SNX7: variants seen among roughly 807,000 people sequenced by gnomAD.
SNX7 encodes the protein sorting nexin-7.
SNX7 carries 35 observed loss-of-function variants against 48.4 expected under a neutral mutation model. That is an observed-to-expected ratio of 0.72 (90% CI 0.55 to 0.96). SNX7 has a LOEUF of 0.96. SNX7 is among the 40% of genes least tolerant of loss of function. The pLI, the probability that SNX7 is intolerant of heterozygous loss-of-function variation, is 0.00. For missense variants in SNX7, 553 were observed against 548.9 expected (o/e 1.01, Z -0.07); for synonymous variants, 190 against 190.2 (o/e 1.00, Z 0.01).
chr1:98,678,066 G>T (rs952632922), intron 1 of SNX7, among the ~76,000 whole-genome samples: 5 of 151,030 alleles, frequency 3.3e-5, no homozygotes, highest in African/African-American at 1.2e-4. Flanking sequence ...CCTGAGGCTG[G>T]GTCATTTATA....
rs1655036188 is a variant in SNX7, at chr1:98,760,045, A to G, written c.1279-9A>G. 6.4e-7 allele frequency: 1 copy of G among 1,569,486 alleles called. No individual in the cohort carries two copies. Among genetic ancestry groups the G allele is most frequent in the South Asian group, 1.1e-5 (1 of 90,178 alleles). ...GTTGATTGCCTCATGGTGTGTTTCC[A>G]TTATTCAGTGCCTTGCTACGTGGGA... On this transcript the variant is annotated splice_polypyrimidine_tract_variant and intron_variant, in intron 8 of 8. Coordinates refer to ENST00000306121, the MANE Select transcript of SNX7 (RefSeq NM_015976.5).
At chr1:98,759,817 T>A (rs1033013304) in intron 8 of SNX7, among the ~76,000 whole-genome samples, 2 of 152,046 alleles carry the variant, frequency 1.3e-5, no homozygotes, top group African/African-American at 4.8e-5. Flanking sequence ...AGTAGATTAT[T>A]TCAGCAAACT....
At chr1:98,723,371 G>A (rs1397864433) in intron 7 of SNX7, among the ~76,000 whole-genome samples, 4 of 151,972 alleles carry the variant, frequency 2.6e-5, no homozygotes, top group Admixed American at 1.3e-4. Context: ...CAAAAAGGCT[G>A]TGTATACTTT....
intron 7 of SNX7, among the ~76,000 whole-genome samples, chr1:98,729,754 T>C (rs1397556464): frequency 6.6e-6 from 1 of 152,042 alleles, no homozygotes; most frequent in Non-Finnish European, 1.5e-5. Context: ...AGTTCTGAAA[T>C]TGAGGGAGTA....
At chr1:98,678,179 C>T (rs748748112) in intron 1 of SNX7, among the ~76,000 whole-genome samples, 3 of 152,054 alleles carry the variant, frequency 2.0e-5, no homozygotes, top group African/African-American at 7.3e-5. Context: ...ACGATTGTAG[C>T]GAAAGGTGAA....
chr1:98,726,296 T>G (rs1385476598), intron 7 of SNX7, among the ~76,000 whole-genome samples: 1 of 152,214 alleles, frequency 6.6e-6, no homozygotes, highest in East Asian at 1.9e-4. Context: ...CACCAAATTG[T>G]TAATACCCTA....
At chr1:98,759,234 C>A (rs538943335) in intron 8 of SNX7, among the ~76,000 whole-genome samples, 9 of 151,814 alleles carry the variant, frequency 5.9e-5, no homozygotes, top group Non-Finnish European at 8.8e-5. Context: ...AACATAATTT[C>A]TTTCCAAATT....
chr1:98,740,424 C>T (rs1185288708), intron 8 of SNX7, among the ~76,000 whole-genome samples: 2 of 151,956 alleles, frequency 1.3e-5, no homozygotes, highest in African/African-American at 4.8e-5. Flanking sequence ...TAAGAAAATG[C>T]CTTAAATTAA....
intron 4 of SNX7, among the ~76,000 whole-genome samples, chr1:98,693,504 G>A (rs1030271640): frequency 1.3e-5 from 2 of 152,168 alleles, no homozygotes; most frequent in African/African-American, 4.8e-5. Flanking sequence ...ATGAATATGC[G>A]GCCTGACTTC....
chr1:98,691,210 C>A, intron 3 of SNX7, 25 bp downstream of exon 3: 1 of 1,418,994 alleles, frequency 7.0e-7, no homozygotes, highest in South Asian at 1.3e-5. Context: ...TTTTTTTTTT[C>A]ATAGAATAGC....
intron 7 of SNX7, among the ~76,000 whole-genome samples, chr1:98,718,742 C>T (rs1397399047): frequency 1.3e-5 from 2 of 152,096 alleles, no homozygotes; most frequent in African/African-American, 4.8e-5. Context: ...TGTAGCCTTC[C>T]ACTTTCTTTA....
In SNX7 at chr1:98,691,697, TG is replaced by T; in HGVS notation, c.639+1del. 6.3e-7 allele frequency: 1 copy of T among 1,595,678 alleles called. No homozygotes were observed. Among genetic ancestry groups the T allele is most frequent in the Non-Finnish European group, 8.5e-7 (1 of 1,172,398 alleles). ...CAAAATTTTTCTCACTGCACAAGCT[TG>T]GGTAAATGATTTTTATTTATACTCA... is the stretch of plus-strand genomic sequence containing the variant. ...DFKIFLTAQA[W>X]ELSSHKKQGP... On this transcript the variant is annotated frameshift_variant and splice_region_variant, in exon 4 of 9. Transcript: ENST00000306121. LOFTEE classifies it high-confidence loss of function.
At chr1:98,739,244 AG>A (rs1242507735) in intron 8 of SNX7, among the ~76,000 whole-genome samples, 2 of 152,144 alleles carry the variant, frequency 1.3e-5, no homozygotes, top group Non-Finnish European at 2.9e-5. Flanking sequence ...AGTAGAGCTC[AG>A]GCAGTAATGC....
At chr1:98,665,994 C>T (rs1194824806) in intron 1 of SNX7, among the ~76,000 whole-genome samples, 1 of 152,000 alleles carries the variant, frequency 6.6e-6, no homozygotes, top group African/African-American at 2.4e-5. Flanking sequence ...TTTGGAAATT[C>T]AGTATAGTGA....
chr1:98,739,154 A>G (rs781175047), intron 8 of SNX7, among the ~76,000 whole-genome samples: 36 of 152,088 alleles, frequency 2.4e-4, no homozygotes, highest in Non-Finnish European at 4.9e-4. Flanking sequence ...GGAGCACGCA[A>G]CTTAGATCCC....
intron 1 of SNX7, among the ~76,000 whole-genome samples, 186 bp from the exon 2 acceptor site, chr1:98,684,699 C>T (rs913863466): frequency 1.3e-5 from 2 of 152,168 alleles, no homozygotes; most frequent in Non-Finnish European, 2.9e-5. Flanking sequence ...TCTTTCTTTA[C>T]TGTCATCTTT....
chr1:98,698,672 T>C (rs1321540579), intron 5 of SNX7, 34 bp from the exon 6 acceptor site: 10 of 1,572,654 alleles, frequency 6.4e-6, no homozygotes, highest in Non-Finnish European at 8.7e-6. Flanking sequence ...CTTTTGTTTA[T>C]TGAAGAGCTT....
chr1:98,752,445 A>C (rs371172207), intron 8 of SNX7, among the ~76,000 whole-genome samples: 1 of 152,036 alleles, frequency 6.6e-6, no homozygotes, highest in Non-Finnish European at 1.5e-5. Flanking sequence ...TCCCAAAGTG[A>C]TCTGGTAGCG....
intron 7 of SNX7, among the ~76,000 whole-genome samples, chr1:98,721,604 G>A (rs1652876192): frequency 6.6e-6 from 1 of 151,972 alleles, no homozygotes; most frequent in Admixed American, 6.6e-5. Context: ...TTACCTTACA[G>A]GGTATATTGA....
Sources: allele counts gnomAD v4.1 joint callset (sites outside exome capture counted in the v4.1 genomes callset), GRCh38; gene constraint gnomAD v4.1.1; transcripts MANE v1.5; gene names NCBI Gene and HGNC (gene_info 2026-07-23, HGNC 2026-07-21).